Variants in CREB5 observed in about 807,000 individuals in gnomAD.
The protein encoded by CREB5 is cyclic AMP-responsive element-binding protein 5.
CREB5 carries 19 observed loss-of-function variants against 57.1 expected under a neutral mutation model. The observed-to-expected ratio is 0.33, with a 90% CI of 0.23 to 0.49. The LOEUF (loss-of-function observed/expected upper bound fraction) is 0.49, where lower values mean the gene tolerates loss of function less well. Among genes scored for constraint, CREB5 ranks in the 20% least tolerant of loss-of-function variants. The pLI, the probability that CREB5 is intolerant of heterozygous loss-of-function variation, is 0.99. For missense variants in CREB5, 579 were observed against 671.6 expected (o/e 0.86, Z 1.52); for synonymous variants, 238 against 238.3 (o/e 1.00, Z 0.01).
intron 5 of CREB5, among the ~76,000 whole-genome samples, chr7:28,675,781 A>T (rs1462044100): frequency 6.6e-6 from 1 of 152,018 alleles, no homozygotes; most frequent in East Asian, 1.9e-4. Flanking sequence ...CATATGGGAG[A>T]TCCTGTTTCA....
intron 5 of CREB5, among the ~76,000 whole-genome samples, chr7:28,651,739 T>A (rs530485514): frequency 6.6e-6 from 1 of 152,348 alleles, no homozygotes; most frequent in South Asian, 2.1e-4. Flanking sequence ...TTCAAGGTGC[T>A]GTTTTGCATT....
chr7:28,635,265 T>G (rs1305151053), intron 5 of CREB5, among the ~76,000 whole-genome samples: 1 of 152,170 alleles, frequency 6.6e-6, no homozygotes, highest in African/African-American at 2.4e-5. Flanking sequence ...ATCCTGCAGG[T>G]GTAATACACA....
chr7:28,694,235 TAAC>T, intron 5 of CREB5, among the ~76,000 whole-genome samples: 1 of 152,334 alleles, frequency 6.6e-6, no homozygotes, highest in South Asian at 2.1e-4. Context: ...TTAATCATAA[TAAC>T]AGCAATTATA....
At chr7:28,336,799 G>GA (rs1785831328) in intron 1 of CREB5, among the ~76,000 whole-genome samples, 1 of 148,464 alleles carries the variant, frequency 6.7e-6, no homozygotes, top group Admixed American at 6.7e-5. Flanking sequence ...TTTCTTAGAA[G>GA]TTTTTTTTTT....
At chr7:28,505,993 C>T (rs65264) in intron 3 of CREB5, among the ~76,000 whole-genome samples, 110,788 of 152,112 alleles carry the variant, frequency 0.73, 40,924 homozygotes, top group African/African-American at 0.82. Context: ...GCCGAATTTA[C>T]GAACAGCTGT....
chr7:28,305,910 C>G (rs1434898491), intron 1 of CREB5, among the ~76,000 whole-genome samples: 6 of 151,588 alleles, frequency 4.0e-5, no homozygotes, highest in Admixed American at 3.3e-4. Flanking sequence ...TGTCTATACA[C>G]CAAAAATAGT....
chr7:28,321,404 GA>G (rs756932005), intron 1 of CREB5, among the ~76,000 whole-genome samples: 4 of 152,206 alleles, frequency 2.6e-5, no homozygotes, highest in African/African-American at 7.2e-5. Flanking sequence ...AAATCAGGGG[GA>G]AAAAACATTT....
intron 4 of CREB5, among the ~76,000 whole-genome samples, chr7:28,526,439 T>C (rs1488428820): frequency 6.6e-6 from 1 of 152,240 alleles, no homozygotes; most frequent in African/African-American, 2.4e-5. Context: ...CACATTCACC[T>C]ATTCATCAGT....
chr7:28,631,935 G>A (rs187632885), intron 5 of CREB5, among the ~76,000 whole-genome samples: 160 of 152,246 alleles, frequency 1.1e-3, no homozygotes, highest in Non-Finnish European at 2.0e-3. Context: ...ACAGGCTTAG[G>A]CATGGCGTCT....
intron 4 of CREB5, among the ~76,000 whole-genome samples, chr7:28,515,915 T>A (rs961358957): frequency 6.6e-6 from 1 of 151,616 alleles, no homozygotes; most frequent in South Asian, 2.1e-4. Flanking sequence ...TAAAAATATA[T>A]ATATATATGA....
intron 8 of CREB5, among the ~76,000 whole-genome samples, chr7:28,806,959 C>T (rs1035713739): frequency 6.6e-6 from 1 of 152,176 alleles, no homozygotes; most frequent in African/African-American, 2.4e-5. Flanking sequence ...TTAGCACATT[C>T]CCTCTTAATG....
chr7:28,467,257 G>A (rs1790622294), intron 1 of CREB5, among the ~76,000 whole-genome samples: 2 of 152,182 alleles, frequency 1.3e-5, no homozygotes, highest in South Asian at 4.1e-4. Context: ...AGGAAGAATT[G>A]CCTGCAGAAA....
At chr7:28,739,508 C>G (rs922973512) in intron 7 of CREB5, among the ~76,000 whole-genome samples, 5 of 152,180 alleles carry the variant, frequency 3.3e-5, no homozygotes, top group African/African-American at 1.2e-4. Flanking sequence ...TGTATTTATT[C>G]AAGAAGCATT....
At chr7:28,369,703 C>T (rs988837615) in intron 1 of CREB5, among the ~76,000 whole-genome samples, 4 of 152,162 alleles carry the variant, frequency 2.6e-5, no homozygotes, top group South Asian at 2.1e-4. Context: ...AAATCCTGTT[C>T]GCTTGCCTCA....
chr7:28,465,599 C>A (rs1261048717), intron 1 of CREB5, among the ~76,000 whole-genome samples: 1 of 152,174 alleles, frequency 6.6e-6, no homozygotes, highest in East Asian at 1.9e-4. Context: ...TCTGCTTTTA[C>A]TGATAGTGTG....
At position 28,746,159 on chromosome 7, in the gene CREB5, A is replaced by G. The variant is rs149552869; in HGVS notation, c.702+21827A>G. Among the ~76,000 whole-genome samples the G allele has an allele frequency of 8.3e-3, 1,267 of 152,316 alleles. 11 individuals are homozygous for G. Among genetic ancestry groups the G allele is most frequent in the Middle Eastern group, 0.017 (5 of 294 alleles). ...AAGGAGGTACAAAGCTACTTTTGCAATGAGCCCCCTTTTTAGTATTACGTG... is the reference window on the plus strand; with the variant it reads ...AAGGAGGTACAAAGCTACTTTTGCAGTGAGCCCCCTTTTTAGTATTACGTG... On this transcript the variant is annotated intron_variant, in intron 7 of 10. Coordinates refer to ENST00000357727, the MANE Select transcript of CREB5 (RefSeq NM_182898.4).
chr7:28,699,176 T>TC (rs2128735958), intron 5 of CREB5, among the ~76,000 whole-genome samples: 1 of 151,668 alleles, frequency 6.6e-6, no homozygotes, highest in African/African-American at 2.4e-5. Context: ...CCTTTCTTCT[T>TC]CTTTTTTTTT....
At chr7:28,631,970 G>A (rs1040827806) in intron 5 of CREB5, among the ~76,000 whole-genome samples, 1 of 152,108 alleles carries the variant, frequency 6.6e-6, no homozygotes, top group Non-Finnish European at 1.5e-5. Context: ...CTGGAGAAAA[G>A]GAGTCAATGA....
intron 3 of CREB5, among the ~76,000 whole-genome samples, chr7:28,504,721 C>T (rs562022862): frequency 6.6e-5 from 10 of 152,302 alleles, no homozygotes; most frequent in Non-Finnish European, 1.2e-4. Context: ...GCAAATAGCA[C>T]ACCAGGTTCC....
Sources: allele counts gnomAD v4.1 joint callset (sites outside exome capture counted in the v4.1 genomes callset), GRCh38; gene constraint gnomAD v4.1.1; transcripts MANE v1.5; gene names NCBI Gene and HGNC (gene_info 2026-07-23, HGNC 2026-07-21).